Variants in POLI observed in about 807,000 individuals in gnomAD.
POLI encodes RAD30 homolog B.
In POLI, 58 loss-of-function variants were observed where a neutral mutation model predicts 51.6. The ratio of observed to expected loss-of-function variants is 1.12; its 90% CI spans 0.91 to 1.40. The LOEUF (loss-of-function observed/expected upper bound fraction) is 1.40, where lower values mean the gene tolerates loss of function less well. Among genes scored for constraint, POLI ranks in the 40% most tolerant of loss-of-function variants. POLI has a pLI of 0.00. For synonymous variants in POLI, 322 were observed against 299.7 expected (o/e 1.07, Z -0.77); for missense variants, 921 against 871.3 (o/e 1.06, Z -0.72).
In POLI at chr18:54,290,437, T is replaced by C. The variant is rs1296765052; in HGVS notation, c.1199-1396T>C. Among the ~76,000 whole-genome samples the C allele has an allele frequency of 1.3e-5, 2 of 152,210 alleles. 1 individual carries two copies. Among genetic ancestry groups the C allele is most frequent in the Non-Finnish European group, 2.9e-5 (2 of 68,044 alleles). ...ACAGTGTGGTGATTCCTCAAGGATC[T>C]AGAACTAGAAATACCATTTGACCCA... On this transcript the variant is annotated intron_variant, in intron 8 of 9. Transcript: ENST00000579534.
chr18:54,270,181 G>A (rs979262614), intron 1 of POLI: 4 of 247,638 alleles, frequency 1.6e-5, no homozygotes, highest in Non-Finnish European at 1.9e-5. Context: ...TAAAGGCACC[G>A]GTTCTCATTT....
In POLI at chr18:54,297,205, A is replaced by G. The variant is rs1312366140; in HGVS notation, c.*2738A>G. On this transcript the variant is annotated 3_prime_UTR_variant, in exon 10 of 10. Transcript: ENST00000579534. ...CAGATGCTGTTAGCTATCTGCCTCC[A>G]GGGATAAACCCCATCTTTCAAGCTT... is the stretch of plus-strand genomic sequence containing the variant. 1.0e-6 allele frequency: 1 copy of G among 985,118 alleles called. No individual in the cohort carries two copies. Among genetic ancestry groups the G allele is most frequent in the Admixed American group, 6.2e-5 (1 of 16,250 alleles). 61.0% of individuals were successfully genotyped at this position (985,118 alleles called of 1,614,324 possible). A position where few individuals can be genotyped will look rare whatever the true frequency, so the allele number is the denominator to read the frequency against.
intron 3 of POLI, among the ~76,000 whole-genome samples, chr18:54,275,442 C>G (rs1401965438): frequency 6.6e-6 from 1 of 152,022 alleles, no homozygotes; most frequent in Non-Finnish European, 1.5e-5. Context: ...AGAGAAATAG[C>G]CAAATAAACT....
downstream of POLI, among the ~76,000 whole-genome samples, chr18:54,301,663 C>G (rs910423006): frequency 3.9e-5 from 6 of 152,220 alleles, no homozygotes; most frequent in Non-Finnish European, 7.4e-5. Flanking sequence ...TATCTGAATT[C>G]TGAACTCTAG....
downstream of POLI, chr18:54,298,235 T>C (rs1462880823): frequency 1.0e-5 from 2 of 196,456 alleles, no homozygotes; most frequent in Non-Finnish European, 1.8e-5. Context: ...TATCAAGTAA[T>C]CAAGAAGTCC....
At chr18:54,317,245 G>A (rs899057419) in intron 3 of POLI, among the ~76,000 whole-genome samples, 5 of 152,122 alleles carry the variant, frequency 3.3e-5, no homozygotes, top group Admixed American at 2.6e-4. Flanking sequence ...CCCCAGTTAC[G>A]TCAGCCCACC....
rs539825965 is a variant in POLI, at chr18:54,309,516, G to T, written c.334-10757G>T. ...GGTGTCAGTTGGCCCCTACTGGGAGGTGTCTCCAAGTTAGGCTACGTGGGT... is the reference window on the plus strand; with the variant it reads ...GGTGTCAGTTGGCCCCTACTGGGAGTTGTCTCCAAGTTAGGCTACGTGGGT... On this transcript the variant is annotated intron_variant, in intron 3 of 4. Coordinates refer to the POLI transcript ENST00000579823. 4.9e-4 allele frequency among the ~76,000 whole-genome samples: 74 copies of T among 152,290 alleles called. 2 individuals are homozygous for T. The South Asian group carries it at 0.011, about 22-fold the overall frequency.
chr18:54,305,070 G>A (rs1380638337), intron 3 of POLI, among the ~76,000 whole-genome samples: 1 of 152,206 alleles, frequency 6.6e-6, no homozygotes, highest in Non-Finnish European at 1.5e-5. Flanking sequence ...TCAGATGGTT[G>A]TAGATGTGTG....
In POLI at chr18:54,283,011, C is replaced by G; in HGVS notation, c.971C>G (p.Pro324Arg). ...TCCCCTGTGATACTCTCAGGACCAC[C>G]TCAGGTACATGATGATACTTATTTT... ...DNSPVILSGPPQSFSEEDSFK... is the reference protein window; with the variant it reads ...DNSPVILSGPRQSFSEEDSFK... Residue 324 changes from proline to arginine, a missense_variant, in exon 6 of 10, where the codon CCT becomes CGT. Physicochemically the swap from Pro to Arg is moderately radical, Grantham distance 103. Coordinates refer to ENST00000579534, the MANE Select transcript of POLI (RefSeq NM_007195.3). The G allele has an allele frequency of 6.3e-7, 1 of 1,592,714 alleles. No homozygotes were observed. Among genetic ancestry groups the G allele is most frequent in the Non-Finnish European group, 8.6e-7 (1 of 1,164,132 alleles).
chr18:54,309,893 C>CTTGCCTGGGATATAATCTCCT (rs1460672886), intron 3 of POLI, among the ~76,000 whole-genome samples: 2 of 152,226 alleles, frequency 1.3e-5, no homozygotes, highest in Non-Finnish European at 2.9e-5. Context: ...CCTGCTGAGC[C>CTTGCCTGGGATATAATCTCCT]TTGCCTGGGA....
Position 54,295,414 on chromosome 18 carries a change from TAA to T in POLI, c.*948_*949del. ...TGCCTGCTAAACTAAAAATTGGATA[TAA>T]GATTGAGAATGTATTATATAATTTG... On this transcript the variant is annotated 3_prime_UTR_variant, in exon 10 of 10. Coordinates refer to ENST00000579534, the MANE Select transcript of POLI (RefSeq NM_007195.3). 1 of 976,080 alleles carries T rather than the reference TAA, an allele frequency of 1.0e-6. No individual in the cohort carries two copies. Among genetic ancestry groups the T allele is most frequent in the Non-Finnish European group, 1.2e-6 (1 of 821,428 alleles). The allele number at this position is 976,080 out of a possible 1,614,324, so 60.5% of individuals were successfully genotyped here. A position where few individuals can be genotyped will look rare whatever the true frequency, so the allele number is the denominator to read the frequency against.
chr18:54,297,318 G>C lies in POLI; in HGVS notation c.*2851G>C. 8 of 975,104 alleles carry C rather than the reference G, an allele frequency of 8.2e-6. No homozygotes were observed. The highest frequency in any genetic ancestry group is 9.7e-6 in the Non-Finnish European group (8 of 821,678). 60.4% of individuals were successfully genotyped at this position (975,104 alleles called of 1,614,324 possible). A position where few individuals can be genotyped will look rare whatever the true frequency, so the allele number is the denominator to read the frequency against. On this transcript the variant is annotated 3_prime_UTR_variant, in exon 10 of 10. Transcript: ENST00000579534. ...TTTTTTTTTTTCCTGTTTCTGTCTT[G>C]AATGTAGAGGGTATTTTTATTTTTA...
In POLI at chr18:54,269,519, A is replaced by T; in HGVS notation, c.-28A>T. ...CTGGAGACCAGGCGGAAGCGGCCGG[A>T]AGTAGCGCTGCGGTTGGCAGCGGCG... On this transcript the variant is annotated 5_prime_UTR_variant, in exon 1 of 10. Coordinates refer to ENST00000579534, the MANE Select transcript of POLI (RefSeq NM_007195.3). 4 of 1,505,056 alleles carry T rather than the reference A, an allele frequency of 2.7e-6. No homozygotes were observed. The highest frequency in any genetic ancestry group is 3.5e-6 in the Non-Finnish European group (4 of 1,131,126). 93.2% of individuals were successfully genotyped at this position (1,505,056 alleles called of 1,614,324 possible).
In POLI at chr18:54,311,120, G is replaced by A. The variant is rs994802839; in HGVS notation, c.334-9153G>A. The A allele has an allele frequency of 5.8e-5, 57 of 983,236 alleles. No individual in the cohort carries two copies. In the South Asian group the frequency reaches 2.6e-3, roughly 45 times the overall value. 60.9% of individuals were successfully genotyped at this position (983,236 alleles called of 1,614,324 possible). On this transcript the variant is annotated intron_variant, in intron 3 of 4. Transcript: ENST00000579823. ...GAATTGAAGAAAGTGAAATCAGTAT[G>A]CTGCCACCCTGCCACTTCTTCTTGA...
intron 3 of POLI, among the ~76,000 whole-genome samples, chr18:54,306,836 T>C (rs905843793): frequency 4.6e-5 from 7 of 152,232 alleles, no homozygotes; most frequent in Admixed American, 1.3e-4. Context: ...TATCCATTTC[T>C]TCTAGATTTT....
At chr18:54,302,054 G>A (rs924999847), downstream of POLI, among the ~76,000 whole-genome samples, 2 of 152,190 alleles carry the variant, frequency 1.3e-5, no homozygotes, top group African/African-American at 4.8e-5. Context: ...CTGATAGCTT[G>A]GGTAGGACTT....
Position 54,296,258 on chromosome 18 carries a change from T to G in POLI, c.*1791T>G, listed in dbSNP as rs2088320055. On this transcript the variant is annotated 3_prime_UTR_variant, in exon 10 of 10. Coordinates refer to ENST00000579534, the MANE Select transcript of POLI (RefSeq NM_007195.3). Reference sequence around the variant, plus strand: ...ATGGCTAAGAAAACAAAGTAAATGGTTTTGGCCAGCTTAAAAAGAGAAAGC... The same window carrying G: ...ATGGCTAAGAAAACAAAGTAAATGGGTTTGGCCAGCTTAAAAAGAGAAAGC... The G allele has an allele frequency of 1.0e-6, 1 of 985,276 alleles. No individual in the cohort carries two copies. The highest frequency in any genetic ancestry group is 1.2e-6 in the Non-Finnish European group (1 of 829,870). 61.0% of individuals were successfully genotyped at this position (985,276 alleles called of 1,614,324 possible).
exon 5 of POLI, chr18:54,321,097 G>A (rs1432033846): frequency 6.6e-6 from 1 of 152,190 alleles, no homozygotes; most frequent in Non-Finnish European, 1.5e-5. Context: ...TCAACACACA[G>A]AACAGGTTTA....
intron 8 of POLI, 132 bp downstream of exon 8, chr18:54,287,543 A>G (rs995222044): frequency 4.3e-5 from 26 of 599,390 alleles, no homozygotes; most frequent in South Asian, 1.5e-4. Context: ...CTTTTATTCT[A>G]TCAGGAATTT....
Sources: gnomAD v4.1 joint callset for allele counts (sites outside exome capture counted in the v4.1 genomes callset) on GRCh38, gnomAD v4.1.1 for gene constraint, MANE v1.5 for transcripts, NCBI Gene and HGNC (gene_info 2026-07-23, HGNC 2026-07-21) for gene names.